Variants in KLF13 observed in about 807,000 individuals in gnomAD.
The protein encoded by KLF13 is Krueppel-like factor 13.
KLF13 carries 8 observed loss-of-function variants against 16.7 expected under a neutral mutation model. The ratio of observed to expected loss-of-function variants is 0.48; its 90% CI spans 0.28 to 0.87. The LOEUF (loss-of-function observed/expected upper bound fraction) is 0.87, where lower values mean the gene tolerates loss of function less well. KLF13 is among the 40% of genes least tolerant of loss of function. The pLI is 0.10. For missense variants in KLF13, 447 were observed against 452.2 expected (o/e 0.99, Z 0.10); for synonymous variants, 245 against 208.4 (o/e 1.18, Z -1.51).
At chr15:31,403,215 G>T (rs941490487) in intron 2 of KLF13, among the ~76,000 whole-genome samples, 17 of 152,178 alleles carry the variant, frequency 1.1e-4, no homozygotes, top group Non-Finnish European at 2.5e-4. Context: ...AAGATCTTTT[G>T]CTCTGGTCCG....
intron 1 of KLF13, among the ~76,000 whole-genome samples, chr15:31,348,770 G>C (rs2039168143): frequency 6.6e-6 from 1 of 152,138 alleles, no homozygotes; most frequent in Non-Finnish European, 1.5e-5. Context: ...ACTGGAGATG[G>C]GTGGCAAATA....
At chr15:31,424,260 G>A (rs567173450) in intron 1 of KLF13, among the ~76,000 whole-genome samples, 86 of 152,198 alleles carry the variant, frequency 5.7e-4, no homozygotes, top group African/African-American at 1.9e-3. Context: ...ATTAGACAAA[G>A]ATACTACAGG....
At chr15:31,331,096 C>T (rs987788954) in intron 1 of KLF13, among the ~76,000 whole-genome samples, 1 of 152,230 alleles carries the variant, frequency 6.6e-6, no homozygotes, top group Non-Finnish European at 1.5e-5. Context: ...CAGAGAGACC[C>T]TGAATACATT....
At chr15:31,400,894 C>T (rs184523879) in intron 2 of KLF13, among the ~76,000 whole-genome samples, 30 of 152,214 alleles carry the variant, frequency 2.0e-4, no homozygotes, top group African/African-American at 6.5e-4. Flanking sequence ...AAGCTGACCC[C>T]GAGATTTGGG....
downstream of KLF13, among the ~76,000 whole-genome samples, chr15:31,378,303 C>T (rs1458619130): frequency 6.6e-6 from 1 of 152,152 alleles, no homozygotes; most frequent in Non-Finnish European, 1.5e-5. Flanking sequence ...CTTGCCTCAC[C>T]CCTCAGCCTA....
downstream of KLF13, among the ~76,000 whole-genome samples, chr15:31,407,115 A>C (rs1277732169): frequency 1.3e-5 from 2 of 152,206 alleles, no homozygotes; most frequent in African/African-American, 4.8e-5. Flanking sequence ...TGGGGGAATA[A>C]TTTCCCAGAG....
intron 1 of KLF13, among the ~76,000 whole-genome samples, chr15:31,423,795 T>A (rs1180197952): frequency 6.6e-6 from 1 of 152,154 alleles, no homozygotes; most frequent in Non-Finnish European, 1.5e-5. Flanking sequence ...TTAAGAAAAT[T>A]GAAATCATAC....
intron 1 of KLF13, among the ~76,000 whole-genome samples, chr15:31,352,185 C>A (rs1989684): frequency 6.6e-6 from 1 of 152,146 alleles, no homozygotes; most frequent in South Asian, 2.1e-4. Context: ...CAGACTGTTC[C>A]GAATAGGCCT....
At chr15:31,422,782 C>G (rs2040344409) in intron 1 of KLF13, among the ~76,000 whole-genome samples, 1 of 152,102 alleles carries the variant, frequency 6.6e-6, no homozygotes, top group South Asian at 2.1e-4. Flanking sequence ...GGCCTATAAT[C>G]TCAGCATTTT....
chr15:31,432,561 G>C (rs974874787), intron 1 of KLF13, among the ~76,000 whole-genome samples: 3 of 150,982 alleles, frequency 2.0e-5, no homozygotes, highest in Non-Finnish European at 4.4e-5. Flanking sequence ...ATATCCCCCT[G>C]CCTCAGCTTC....
chr15:31,404,611 A>T (rs755390247), exon 3 of KLF13: 4 of 152,204 alleles, frequency 2.6e-5, no homozygotes, highest in Non-Finnish European at 5.9e-5. Flanking sequence ...ATGGGTGGGG[A>T]CAAATAAGGG....
intron 1 of KLF13, among the ~76,000 whole-genome samples, chr15:31,332,019 CCTTCA>C (rs2140930394): frequency 6.6e-6 from 1 of 152,204 alleles, no homozygotes. Context: ...ACTTATTTAC[CCTTCA>C]CTTATGGAAA....
In KLF13 at chr15:31,375,629, G is replaced by C. The variant is rs1209554071; in HGVS notation, c.*3330G>C. ...CCATCAAGGGGCTGGTGTTGCTCCT[G>C]TCCCAGACAAGGAAGCCCCTCTTTA... On this transcript the variant is annotated 3_prime_UTR_variant, in exon 2 of 2. Transcript: ENST00000307145. The C allele has an allele frequency of 6.6e-6, 1 of 152,174 alleles. No individual in the cohort carries two copies. The highest frequency in any genetic ancestry group is 2.1e-4 in the South Asian group (1 of 4,826). 9.4% of individuals were successfully genotyped at this position (152,174 alleles called of 1,614,324 possible).
intron 2 of KLF13, among the ~76,000 whole-genome samples, chr15:31,400,563 G>C (rs2040019779): frequency 6.6e-6 from 1 of 152,208 alleles, no homozygotes; most frequent in African/African-American, 2.4e-5. Flanking sequence ...GGCAAGGCAG[G>C]GGGCTGGAGC....
chr15:31,415,173 A>ATAGCTCT (rs1160091074), intron 1 of KLF13, among the ~76,000 whole-genome samples: 1 of 152,168 alleles, frequency 6.6e-6, no homozygotes, highest in East Asian at 1.9e-4. Flanking sequence ...AAAGCAGCCT[A>ATAGCTCT]TAGCTCTCAC....
At chr15:31,370,425 C>CTT (rs58293460) in intron 1 of KLF13, among the ~76,000 whole-genome samples, 2 of 145,182 alleles carry the variant, frequency 1.4e-5, no homozygotes, top group East Asian at 2.0e-4. Context: ...GTTGTTTTTG[C>CTT]TTTTTTTTTT....
intron 1 of KLF13, among the ~76,000 whole-genome samples, chr15:31,341,875 C>T (rs1181883506): frequency 6.6e-6 from 1 of 152,178 alleles, no homozygotes; most frequent in Non-Finnish European, 1.5e-5. Flanking sequence ...CCTGGATAAA[C>T]CCAGACTGGC....
chr15:31,422,203 C>T (rs2040336791), intron 1 of KLF13, among the ~76,000 whole-genome samples: 1 of 151,762 alleles, frequency 6.6e-6, no homozygotes, highest in Non-Finnish European at 1.5e-5. Flanking sequence ...GACCCACTCA[C>T]CTTAGATACA....
rs758834294 is a variant in KLF13, at chr15:31,372,152, C to T, written c.720C>T (p.Asp240=). Residue 240 remains aspartate, a synonymous_variant, in exon 2 of 2, where the codon GAC becomes GAT. Transcript: ENST00000307145. ...GCGAGAAGCGCTTCATGCGCAGCGA[C>T]CACCTGACCAAGCACGCGCGCCGCC... The part of the protein sequence containing the change: ...PICEKRFMRS[D]HLTKHARRHA... 1 of 1,612,928 alleles carries T rather than the reference C, an allele frequency of 6.2e-7. No homozygotes were observed. The highest frequency in any genetic ancestry group is 8.5e-7 in the Non-Finnish European group (1 of 1,179,932).
Sources: gnomAD v4.1 joint callset for allele counts (sites outside exome capture counted in the v4.1 genomes callset) on GRCh38, gnomAD v4.1.1 for gene constraint, MANE v1.5 for transcripts, NCBI Gene and HGNC (gene_info 2026-07-23, HGNC 2026-07-21) for gene names.